MOB3B: variants seen among roughly 807,000 people sequenced by gnomAD.
The protein encoded by MOB3B is MOB kinase activator 3B.
Under a neutral mutation model 18.7 loss-of-function variants are expected in MOB3B, and 7 were observed. That is an observed-to-expected ratio of 0.37 (90% CI 0.21 to 0.70). The LOEUF is 0.70. Ranked by LOEUF, MOB3B falls within the 30% of genes least tolerant of loss-of-function variation. MOB3B has a pLI of 0.52. For missense variants in MOB3B, 253 were observed against 281.3 expected, an observed-to-expected ratio of 0.90 and a Z score of 0.72; for synonymous variants, 111 against 99.9, an observed-to-expected ratio of 1.11 and a Z score of -0.66.
At chr9:27,522,729 T>A (rs1587277912) in intron 1 of MOB3B, among the ~76,000 whole-genome samples, 1 of 152,124 alleles carries the variant, frequency 6.6e-6, no homozygotes, top group African/African-American at 2.4e-5. Flanking sequence ...GATCAATCGC[T>A]GAGTCAAATA....
At position 27,481,511 on chromosome 9, in the gene MOB3B, G is replaced by GTTTTTT. The variant is rs536716885; in HGVS notation, c.-198-25769_-198-25764dup. Reference sequence around the variant, plus strand: ...TAAGGAAGGTAGTTTTTTTTTTTTTGTTTTTTTTGTTTTTTTTTTTTTTTG... The same window carrying GTTTTTT: ...TAAGGAAGGTAGTTTTTTTTTTTTTGTTTTTTTTTTTTTTGTTTTTTTTTTTTTTTG... On this transcript the variant is annotated intron_variant, in intron 1 of 3. Coordinates refer to ENST00000262244, the MANE Select transcript of MOB3B (RefSeq NM_024761.5). 4.2e-4 allele frequency among the ~76,000 whole-genome samples: 29 copies of GTTTTTT among 69,716 alleles called. 1 individual carries two copies. Among genetic ancestry groups the GTTTTTT allele is most frequent in the Non-Finnish European group, 8.3e-4 (22 of 26,620 alleles). 45.7% of individuals were successfully genotyped at this position (69,716 alleles called of 152,430 possible). A position where few individuals can be genotyped will look rare whatever the true frequency, so the allele number is the denominator to read the frequency against.
In MOB3B at chr9:27,326,498, C is replaced by G. The variant is rs1337913755; in HGVS notation, c.*4089G>C. Reference sequence around the variant, plus strand: ...ACTTCAGCTCGAGTTGAATGGAATTCAAGATGTTGTGGAGGGTTCAGTGGG... The same window carrying G: ...ACTTCAGCTCGAGTTGAATGGAATTGAAGATGTTGTGGAGGGTTCAGTGGG... On this transcript the variant is annotated 3_prime_UTR_variant, in exon 4 of 4. Transcript: ENST00000262244. 1 of 398,352 alleles carries G rather than the reference C, an allele frequency of 2.5e-6. No individual in the cohort carries two copies. Among genetic ancestry groups the G allele is most frequent in the African/African-American group, 2.1e-5 (1 of 48,606 alleles). The allele number at this position is 398,352 out of a possible 1,614,324, so 24.7% of individuals were successfully genotyped here. A position where few individuals can be genotyped will look rare whatever the true frequency, so the allele number is the denominator to read the frequency against.
rs896858426 is a variant in MOB3B, at chr9:27,518,559, A to C, written c.-199+10996T>G. On this transcript the variant is annotated intron_variant, in intron 1 of 3. Transcript: ENST00000262244. ...TACACGTTTATTTACTGAGATACTTATTCCATCATGCTACATTTCTTTTTA... is the reference window on the plus strand; with the variant it reads ...TACACGTTTATTTACTGAGATACTTCTTCCATCATGCTACATTTCTTTTTA... 4.0e-4 allele frequency among the ~76,000 whole-genome samples: 61 copies of C among 152,318 alleles called. 1 individual carries two copies. Among genetic ancestry groups the C allele is most frequent in the African/African-American group, 1.5e-3 (61 of 41,560 alleles).
chr9:27,492,932 G>A (rs1819842548), intron 1 of MOB3B, among the ~76,000 whole-genome samples: 2 of 152,042 alleles, frequency 1.3e-5, no homozygotes, highest in African/African-American at 2.4e-5. Context: ...TGATTTCTAG[G>A]GTGCAAAATG....
chr9:27,524,196 C>T (rs532044772), intron 1 of MOB3B: 24 of 736,670 alleles, frequency 3.3e-5, no homozygotes, highest in East Asian at 6.4e-5. Flanking sequence ...GGAAAGGGGC[C>T]GCAACCTTGG....
chr9:27,490,429 A>G (rs1819798236), intron 1 of MOB3B, among the ~76,000 whole-genome samples: 1 of 152,232 alleles, frequency 6.6e-6, no homozygotes, highest in African/African-American at 2.4e-5. Context: ...CAGATTAAGA[A>G]GCAACTAATA....
At position 27,502,913 on chromosome 9, in the gene MOB3B, T is replaced by G. The variant is rs562555101; in HGVS notation, c.-199+26642A>C. On this transcript the variant is annotated intron_variant, in intron 1 of 3. Coordinates refer to ENST00000262244, the MANE Select transcript of MOB3B (RefSeq NM_024761.5). ...AATTCTAAAACATGGTGTCAGCCCT[T>G]TGTGACAAAGTCCTCTATTATCCTG... is the stretch of plus-strand genomic sequence containing the variant. Among the ~76,000 whole-genome samples, 3 of 152,318 alleles carry G rather than the reference T, an allele frequency of 2.0e-5. No individual in the cohort carries two copies. In the East Asian group the frequency reaches 5.8e-4, roughly 29 times the overall value.
At chr9:27,421,466 G>C (rs959342130) in intron 2 of MOB3B, 1 of 152,298 alleles carries the variant, frequency 6.6e-6, no homozygotes, top group Non-Finnish European at 1.5e-5. Context: ...GTAGCATAAA[G>C]TGCAGGTCTT....
intron 3 of MOB3B, among the ~76,000 whole-genome samples, chr9:27,358,543 T>G (rs1450689532): frequency 6.6e-6 from 1 of 152,240 alleles, no homozygotes; most frequent in Non-Finnish European, 1.5e-5. Context: ...TATCCTTATT[T>G]AGGGCTTAAC....
chr9:27,342,522 G>A (rs528953941), intron 3 of MOB3B, among the ~76,000 whole-genome samples: 9 of 150,668 alleles, frequency 6.0e-5, no homozygotes, highest in East Asian at 2.0e-4. Flanking sequence ...TGAAAGCCAA[G>A]GCTGGACTGT....
At chr9:27,488,957 G>C (rs911369447) in intron 1 of MOB3B, among the ~76,000 whole-genome samples, 1 of 152,206 alleles carries the variant, frequency 6.6e-6, no homozygotes, top group Non-Finnish European at 1.5e-5. Flanking sequence ...ACTTATTCTG[G>C]AAGGACTGGT....
intron 2 of MOB3B, among the ~76,000 whole-genome samples, chr9:27,438,727 C>G (rs920350203): frequency 2.6e-5 from 4 of 152,170 alleles, no homozygotes; most frequent in Non-Finnish European, 5.9e-5. Flanking sequence ...CCTGAAATAA[C>G]ATGAAGTCCA....
intron 3 of MOB3B, among the ~76,000 whole-genome samples, chr9:27,355,628 C>T (rs1245800215): frequency 6.7e-6 from 1 of 148,232 alleles, no homozygotes; most frequent in East Asian, 2.0e-4. Context: ...GGCGTGATCT[C>T]GGCTCACTGC....
At chr9:27,524,961 G>C (rs1820409559) in intron 1 of MOB3B, 1 of 1,563,180 alleles carries the variant, frequency 6.4e-7, no homozygotes, top group Non-Finnish European at 8.6e-7. Context: ...GAGGAAATAA[G>C]GTATATTTTT....
chr9:27,330,527 G>T lies in MOB3B; in HGVS notation c.*60C>A. Reference sequence around the variant, plus strand: ...TTTCAGCCAGGGTGGTCCACCTCCTGCCCGCTCAGGGCACCAGGAGGAAAC... The same window carrying T: ...TTTCAGCCAGGGTGGTCCACCTCCTTCCCGCTCAGGGCACCAGGAGGAAAC... On this transcript the variant is annotated 3_prime_UTR_variant, in exon 4 of 4. Transcript: ENST00000262244. 6.2e-7 allele frequency: 1 copy of T among 1,611,498 alleles called. No individual in the cohort carries two copies. Among genetic ancestry groups the T allele is most frequent in the Non-Finnish European group, 8.5e-7 (1 of 1,178,856 alleles).
chr9:27,359,344 A>C (rs1587153683), intron 2 of MOB3B, 108 bp from the exon 3 acceptor site: 5 of 610,414 alleles, frequency 8.2e-6, no homozygotes, highest in East Asian at 1.2e-4. Flanking sequence ...GGAGACTGGC[A>C]CCCGTCACAG....
chr9:27,504,231 G>A (rs73437180), intron 1 of MOB3B, among the ~76,000 whole-genome samples: 164 of 152,336 alleles, frequency 1.1e-3, no homozygotes, highest in African/African-American at 3.7e-3. Context: ...TAGGCTGCCT[G>A]TCCCCCAGTC....
intron 3 of MOB3B, among the ~76,000 whole-genome samples, chr9:27,347,628 A>G (rs1351971556): frequency 6.6e-6 from 1 of 152,214 alleles, no homozygotes; most frequent in Non-Finnish European, 1.5e-5. Flanking sequence ...GAGAAGGTAT[A>G]GGGTGGAGGT....
At chr9:27,378,671 A>C in intron 2 of MOB3B, 1 of 471,158 alleles carries the variant, frequency 2.1e-6, no homozygotes, top group South Asian at 1.5e-5. Context: ...TCCCTGACCC[A>C]GAACCACACC....
Sources: gnomAD v4.1 joint callset for allele counts (sites outside exome capture counted in the v4.1 genomes callset) on GRCh38, gnomAD v4.1.1 for gene constraint, MANE v1.5 for transcripts, NCBI Gene and HGNC (gene_info 2026-07-23, HGNC 2026-07-21) for gene names.